RFTN1: variants seen among roughly 807,000 people sequenced by gnomAD.
The protein encoded by RFTN1 is raftlin.
Under a neutral mutation model 46.5 loss-of-function variants are expected in RFTN1, and 26 were observed. The ratio of observed to expected loss-of-function variants is 0.56; its 90% CI spans 0.41 to 0.78. The LOEUF is 0.78. Ranked by LOEUF, RFTN1 falls within the 30% of genes least tolerant of loss-of-function variation. The pLI is 0.00. For synonymous variants in RFTN1, 261 were observed against 284.2 expected, an observed-to-expected ratio of 0.92 and a Z score of 0.82; for missense variants, 693 against 718.7, an observed-to-expected ratio of 0.96 and a Z score of 0.41.
At chr3:16,367,407 C>T (rs1329473639) in intron 6 of RFTN1, among the ~76,000 whole-genome samples, 1 of 152,210 alleles carries the variant, frequency 6.6e-6, no homozygotes, top group Non-Finnish European at 1.5e-5. Context: ...TCATACTCTC[C>T]CTCCCAAAAG....
At position 16,495,419 on chromosome 3, in the gene RFTN1, G is replaced by C. The variant is rs369899108; in HGVS notation, c.-8-1542C>G. 1.6e-4 allele frequency among the ~76,000 whole-genome samples: 24 copies of C among 152,370 alleles called. No homozygotes were observed. In the East Asian group the frequency reaches 3.9e-3, roughly 24 times the overall value. ...GCTCGCCAAGTCACTCATTCATGCAGATTTACTCATGCCTACTACAGGCAA... is the reference window on the plus strand; with the variant it reads ...GCTCGCCAAGTCACTCATTCATGCACATTTACTCATGCCTACTACAGGCAA... On this transcript the variant is annotated intron_variant, in intron 1 of 9. Transcript: ENST00000334133.
At chr3:16,491,816 T>A (rs145972844) in intron 2 of RFTN1, among the ~76,000 whole-genome samples, 2,171 of 151,900 alleles carry the variant, frequency 0.014, 14 homozygotes, top group Non-Finnish European at 0.024. Context: ...GAAAAAAGAA[T>A]TCCCCCAACA....
chr3:16,391,858 G>GTTTTTTT lies in RFTN1; in HGVS notation c.442-13763_442-13757dup, dbSNP rs1272551461. Among the ~76,000 whole-genome samples the GTTTTTTT allele has an allele frequency of 1.7e-3, 84 of 49,142 alleles. 21 individuals carry two copies. Among genetic ancestry groups the GTTTTTTT allele is most frequent in the South Asian group, 7.7e-3 (9 of 1,170 alleles). 32.2% of individuals were successfully genotyped at this position (49,142 alleles called of 152,430 possible). A position where few individuals can be genotyped will look rare whatever the true frequency, so the allele number is the denominator to read the frequency against. ...TAGAGATTATCATTCTAGTGCAAAGGTTTTTTTTTTGTTTTTTTTTTTTGT... is the reference window on the plus strand; with the variant it reads ...TAGAGATTATCATTCTAGTGCAAAGGTTTTTTTTTTTTTTTTTGTTTTTTTTTTTTGT... On this transcript the variant is annotated intron_variant, in intron 4 of 9. Transcript: ENST00000334133.
chr3:16,386,316 A>G (rs1001657748), intron 4 of RFTN1, among the ~76,000 whole-genome samples: 9 of 152,350 alleles, frequency 5.9e-5, no homozygotes, highest in African/African-American at 2.2e-4. Context: ...TGTAATCACA[A>G]TTTACTGAGA....
intron 4 of RFTN1, among the ~76,000 whole-genome samples, chr3:16,398,244 C>CAAAAAAAAAAAAAAAAA (rs202032095): frequency 7.5e-4 from 83 of 110,878 alleles, no homozygotes; most frequent in African/African-American, 2.0e-3. Flanking sequence ...AAGACTGTCT[C>CAAAAAAAAAAAAAAAAA]AAAAAAAAAA....
chr3:16,388,094 C>T (rs2074249702), intron 4 of RFTN1, among the ~76,000 whole-genome samples: 1 of 152,248 alleles, frequency 6.6e-6, no homozygotes, highest in African/African-American at 2.4e-5. Flanking sequence ...GCCCACCTCT[C>T]AGGCCACATC....
Position 16,328,996 on chromosome 3 carries a change from A to G in RFTN1, c.1147-2120T>C, listed in dbSNP as rs9831153. On this transcript the variant is annotated intron_variant, in intron 7 of 9. Coordinates refer to ENST00000334133, the MANE Select transcript of RFTN1 (RefSeq NM_015150.2). ...TGCTAAGGTTTGAATGTATCCCCCA[A>G]AAAGTTTCCATGTGTTGAAAACTTA... 2.4e-3 allele frequency among the ~76,000 whole-genome samples: 373 copies of G among 152,366 alleles called. 5 individuals are homozygous for G. Among genetic ancestry groups the G allele is most frequent in the African/African-American group, 8.7e-3 (361 of 41,582 alleles).
At chr3:16,491,780 A>AAC (rs1553604141) in intron 2 of RFTN1, among the ~76,000 whole-genome samples, 5 of 148,222 alleles carry the variant, frequency 3.4e-5, no homozygotes, top group Non-Finnish European at 7.5e-5. Context: ...AAAACAAACA[A>AAC]AAAAAAAAAA....
rs1188870153 is a variant in RFTN1, at chr3:16,407,393, A to G, written c.441+1982T>C. Among the ~76,000 whole-genome samples, 1 of 151,306 alleles carries G rather than the reference A, an allele frequency of 6.6e-6. No homozygotes were observed. Among genetic ancestry groups the G allele is most frequent in the South Asian group, 2.1e-4 (1 of 4,782 alleles). On this transcript the variant is annotated intron_variant, in intron 4 of 9. Transcript: ENST00000334133. This position sits in a 1 kb window ranked among gnomAD's most constrained non-coding sequence, Gnocchi z 4.0. Reference sequence around the variant, plus strand: ...TTTTGGCAGAGATGGAGGTCTCACTATGTTGCCCAGTCTAATCTCAAACTC... The same window carrying G: ...TTTTGGCAGAGATGGAGGTCTCACTGTGTTGCCCAGTCTAATCTCAAACTC...
chr3:16,451,832 G>A lies in RFTN1; in HGVS notation c.146-17795C>T, dbSNP rs1012295552. Among the ~76,000 whole-genome samples the A allele has an allele frequency of 2.0e-5, 3 of 152,018 alleles. No homozygotes were observed. The highest frequency in any genetic ancestry group is 2.9e-5 in the Non-Finnish European group (2 of 68,016). On this transcript the variant is annotated intron_variant, in intron 2 of 9. Coordinates refer to ENST00000334133, the MANE Select transcript of RFTN1 (RefSeq NM_015150.2). This position sits in a 1 kb window ranked among gnomAD's most constrained non-coding sequence, Gnocchi z 4.2. ...GAGTTTTCTTCTTTCTCACTTAAAG[G>A]AAGCTCTTTACAGCTTCATTTTGGC...
Position 16,483,846 on chromosome 3 carries a change from C to A in RFTN1, c.145+9879G>T, listed in dbSNP as rs1251196944. Among the ~76,000 whole-genome samples the A allele has an allele frequency of 1.3e-5, 2 of 152,142 alleles. No individual in the cohort carries two copies. The highest frequency in any genetic ancestry group is 2.9e-5 in the Non-Finnish European group (2 of 68,030). ...CAGCAGCATCAGCATTGCCTGGGAA[C>A]TTATTACAAAAGCAGATTCTCAGGC... is the stretch of plus-strand genomic sequence containing the variant. On this transcript the variant is annotated intron_variant, in intron 2 of 9. Transcript: ENST00000334133. The surrounding 1 kb of genome is among the most constrained non-coding windows in gnomAD (Gnocchi z 4.8).
Position 16,455,441 on chromosome 3 carries a change from T to C in RFTN1, c.146-21404A>G, listed in dbSNP as rs74529895. 8.7e-3 allele frequency among the ~76,000 whole-genome samples: 1,317 copies of C among 152,212 alleles called. 21 individuals carry two copies. The highest frequency in any genetic ancestry group is 0.03 in the African/African-American group (1,250 of 41,538). On this transcript the variant is annotated intron_variant, in intron 2 of 9. Transcript: ENST00000334133. The stretch of plus-strand genomic sequence containing the variant: ...GGTTGGGGGCAGGAAAACAAAACCC[T>C]AGGATGACAAGCATGCAAATTAACA...
At chr3:16,331,347 A>G (rs1401376405) in intron 7 of RFTN1, among the ~76,000 whole-genome samples, 1 of 152,252 alleles carries the variant, frequency 6.6e-6, no homozygotes, top group Non-Finnish European at 1.5e-5. Flanking sequence ...TAGTGCTCCC[A>G]TAAACATTTC....
At chr3:16,495,456 C>T (rs911825356) in intron 1 of RFTN1, among the ~76,000 whole-genome samples, 4 of 152,224 alleles carry the variant, frequency 2.6e-5, no homozygotes, top group Non-Finnish European at 5.9e-5. Context: ...GCATTATTAG[C>T]GATTCAAACA....
At chr3:16,490,721 A>G (rs1182363577) in intron 2 of RFTN1, among the ~76,000 whole-genome samples, 2 of 152,268 alleles carry the variant, frequency 1.3e-5, no homozygotes, top group African/African-American at 4.8e-5. Context: ...CATTATTTGT[A>G]ATAGCCCAAA....
chr3:16,438,868 C>T (rs920907126), intron 2 of RFTN1, among the ~76,000 whole-genome samples: 1 of 152,054 alleles, frequency 6.6e-6, no homozygotes, highest in African/African-American at 2.4e-5. Flanking sequence ...TGATGTGGGG[C>T]CATGAAATCC....
chr3:16,364,545 T>G (rs2073036528), intron 6 of RFTN1, among the ~76,000 whole-genome samples: 1 of 152,130 alleles, frequency 6.6e-6, no homozygotes, highest in African/African-American at 2.4e-5. Flanking sequence ...TGCACCATAC[T>G]CTCTCTGCCT....
chr3:16,377,251 C>T (rs191907227), intron 5 of RFTN1, among the ~76,000 whole-genome samples: 9 of 152,144 alleles, frequency 5.9e-5, no homozygotes, highest in Admixed American at 5.9e-4. Flanking sequence ...GGTTCATATG[C>T]CCGAACTGCC....
At chr3:16,454,015 C>A (rs2075863252) in intron 2 of RFTN1, among the ~76,000 whole-genome samples, 1 of 152,196 alleles carries the variant, frequency 6.6e-6, no homozygotes, top group East Asian at 1.9e-4. Context: ...AGACAAAAGT[C>A]AAAGCCAGGG....
Sources: allele counts gnomAD v4.1 joint callset (sites outside exome capture counted in the v4.1 genomes callset), GRCh38; gene constraint gnomAD v4.1.1; non-coding constraint Gnocchi (gnomAD v3.1); transcripts MANE v1.5; gene names NCBI Gene and HGNC (gene_info 2026-07-23, HGNC 2026-07-21).